WDR37: variants seen among roughly 807,000 people sequenced by gnomAD.
WDR37 encodes WD repeat domain 37.
WDR37 carries 19 observed loss-of-function variants against 62.9 expected under a neutral mutation model. The observed-to-expected ratio is 0.30, with a 90% CI of 0.21 to 0.44. The LOEUF is 0.44. Among genes scored for constraint, WDR37 ranks in the 20% least tolerant of loss-of-function variants. The pLI, the probability that WDR37 is intolerant of heterozygous loss-of-function variation, is 1.00. For missense variants in WDR37, 474 were observed against 657.6 expected (o/e 0.72, Z 3.05); for synonymous variants, 250 against 260.9 (o/e 0.96, Z 0.40).
At position 1,105,207 on chromosome 10, in the gene WDR37, G is replaced by A. The variant is rs1236451100; in HGVS notation, c.1043G>A (p.Arg348His). 5.6e-6 allele frequency: 9 copies of A among 1,614,048 alleles called. No individual in the cohort carries two copies. Among genetic ancestry groups the A allele is most frequent in the East Asian group, 2.2e-5 (1 of 44,882 alleles). ...VVTSSRDTTF[R>H]LWDFRDPSIH... ...ACCTCCTCCCGTGACACGACTTTCC[G>A]CCTCTGGGATTTCAGGGACCCCTCC... Residue 348 changes from arginine (R) to histidine (H), a missense_variant, in exon 11 of 14, where the codon CGC becomes CAC. Arg to His is a conservative substitution (Grantham distance 29). Transcript: ENST00000263150. This position sits in a 1 kb window ranked among gnomAD's most constrained non-coding sequence, Gnocchi z 5.3.
intron 1 of WDR37, among the ~76,000 whole-genome samples, chr10:1,071,555 T>C (rs897367124): frequency 1.3e-5 from 2 of 152,238 alleles, no homozygotes; most frequent in Non-Finnish European, 2.9e-5. Context: ...TTAGTTTGAA[T>C]TGAGATATGC....
At position 1,124,275 on chromosome 10, in the gene WDR37, C is replaced by T; in HGVS notation, c.1161C>T (p.Asp387=). Residue 387 remains aspartate (D), a synonymous_variant, in exon 12 of 14, where the codon GAC becomes GAT. Coordinates refer to ENST00000263150, the MANE Select transcript of WDR37 (RefSeq NM_014023.4). The part of the protein sequence containing the change: ...VGDNVVSGSD[D]RTVKVWDLKN... The stretch of plus-strand genomic sequence containing the variant: ...ACAACGTGGTTTCAGGCAGCGATGA[C>T]CGCACGGTGAAAGTCTGGGACTTGA... The T allele has an allele frequency of 1.9e-6, 3 of 1,614,204 alleles. No homozygotes were observed. The highest frequency in any genetic ancestry group is 1.6e-4 in the Middle Eastern group (1 of 6,062).
intron 12 of WDR37, 79 bp from the exon 13 acceptor site, chr10:1,124,831 C>G: frequency 6.5e-7 from 1 of 1,543,660 alleles, no homozygotes; most frequent in Non-Finnish European, 8.8e-7. Context: ...TATGGAACCT[C>G]CTGCTTCATT....
At chr10:1,089,675 CCG>C (rs1564503222) in intron 7 of WDR37, among the ~76,000 whole-genome samples, 18 of 150,732 alleles carry the variant, frequency 1.2e-4, no homozygotes, top group Middle Eastern at 6.9e-3. Flanking sequence ...TTCGGCCTTC[CCG>C]TGCTCACCCG....
chr10:1,125,957 A>G (rs1835731428), intron 13 of WDR37, among the ~76,000 whole-genome samples: 1 of 152,182 alleles, frequency 6.6e-6, no homozygotes, highest in African/African-American at 2.4e-5. Flanking sequence ...TGGCACCCGC[A>G]CAGATGCAGA....
Position 1,077,909 on chromosome 10 carries a change from T to C in WDR37, c.141T>C (p.Asp47=), listed in dbSNP as rs745835379. Residue 47 remains aspartate, a splice_region_variant and synonymous_variant, in exon 3 of 14, where the codon GAT becomes GAC. Coordinates refer to ENST00000263150, the MANE Select transcript of WDR37 (RefSeq NM_014023.4). ...TTAAACAAAGTCTTCTTCTGCAGGA[T>C]TCTAAACTGCCTTCCTCGGTTCGCA... ...GLPRDMLEGQ[D]SKLPSSVRST... The C allele has an allele frequency of 1.9e-6, 3 of 1,609,450 alleles. No homozygotes were observed. Among genetic ancestry groups the C allele is most frequent in the Non-Finnish European group, 2.5e-6 (3 of 1,178,306 alleles).
At chr10:1,063,854 T>C (rs1833452869) in intron 1 of WDR37, among the ~76,000 whole-genome samples, 1 of 152,118 alleles carries the variant, frequency 6.6e-6, no homozygotes, top group African/African-American at 2.4e-5. Context: ...CACCTCACCG[T>C]CCACATCCAC....
chr10:1,110,448 G>A (rs2131672303), intron 11 of WDR37, among the ~76,000 whole-genome samples: 1 of 152,364 alleles, frequency 6.6e-6, no homozygotes, highest in South Asian at 2.1e-4. Flanking sequence ...TTGTAGGTTC[G>A]AGCCAATACG....
chr10:1,102,806 C>A (rs981409887), intron 9 of WDR37, among the ~76,000 whole-genome samples: 1 of 152,178 alleles, frequency 6.6e-6, no homozygotes, highest in Non-Finnish European at 1.5e-5. Context: ...ATATGACATA[C>A]CTCTCCATAC....
chr10:1,072,171 G>C lies in WDR37; in HGVS notation c.16G>C (p.Ala6Pro). The C allele has an allele frequency of 6.2e-7, 1 of 1,614,094 alleles. No individual in the cohort carries two copies. Residue 6 changes from alanine (A) to proline (P), a missense_variant, in exon 2 of 14, where the codon GCA (alanine) becomes CCA (proline). By Grantham distance (27) the Ala-to-Pro change is conservative. Coordinates refer to ENST00000263150, the MANE Select transcript of WDR37 (RefSeq NM_014023.4). Reference protein sequence around the residue: MPTESASCSTARQTKQ... With the variant: MPTESPSCSTARQTKQ... ...CCTAGAAGTAATGCCCACAGAAAGC[G>C]CAAGTTGTTCGACTGCTCGCCAAAC... is the stretch of plus-strand genomic sequence containing the variant.
intron 1 of WDR37, among the ~76,000 whole-genome samples, chr10:1,057,463 AGT>A (rs1164130027): frequency 6.6e-6 from 1 of 152,112 alleles, no homozygotes; most frequent in African/African-American, 2.4e-5. Flanking sequence ...CTCTCCAAAG[AGT>A]GGGGATGGTC....
At chr10:1,072,397 C>T in intron 2 of WDR37, 104 bp downstream of exon 2, 1 of 1,461,260 alleles carries the variant, frequency 6.8e-7, no homozygotes, top group Non-Finnish European at 9.3e-7. Context: ...CGCTCACAAC[C>T]TCCACCTCCT....
intron 9 of WDR37, among the ~76,000 whole-genome samples, chr10:1,101,026 T>G (rs1834778124): frequency 6.6e-6 from 1 of 152,164 alleles, no homozygotes; most frequent in Non-Finnish European, 1.5e-5. Context: ...ACCAAACACC[T>G]TTCCACCGTC....
At chr10:1,102,732 C>G (rs10903368) in intron 9 of WDR37, among the ~76,000 whole-genome samples, 18,737 of 152,172 alleles carry the variant, frequency 0.12, 1,456 homozygotes, top group East Asian at 0.26. Context: ...GATTCCAGTT[C>G]AGCATGAGAT....
chr10:1,089,684 C>A (rs1457465603), intron 7 of WDR37, among the ~76,000 whole-genome samples: 2 of 150,782 alleles, frequency 1.3e-5, no homozygotes, highest in Admixed American at 1.3e-4. Flanking sequence ...CCCGTGCTCA[C>A]CCGCAGTTCG....
Position 1,132,096 on chromosome 10 carries a change from C to G in WDR37, c.*2752C>G, listed in dbSNP as rs981926901. On this transcript the variant is annotated 3_prime_UTR_variant, in exon 14 of 14. Transcript: ENST00000263150. ...GTTTTTATTGTATCGATATAATTGT[C>G]TCTAAGTGTTGACTGTCTTCATTGC... 1 of 152,586 alleles carries G rather than the reference C, an allele frequency of 6.6e-6. No individual in the cohort carries two copies. The highest frequency in any genetic ancestry group is 2.4e-5 in the African/African-American group (1 of 41,424). The allele number at this position is 152,586 out of a possible 1,614,324, so 9.5% of individuals were successfully genotyped here. A position where few individuals can be genotyped will look rare whatever the true frequency, so the allele number is the denominator to read the frequency against.
chr10:1,059,525 G>A (rs1000758520), intron 1 of WDR37, among the ~76,000 whole-genome samples: 4 of 152,060 alleles, frequency 2.6e-5, no homozygotes, highest in East Asian at 3.9e-4. Flanking sequence ...CTGGCCAGGC[G>A]CAGTGGCTCA....
intron 1 of WDR37, among the ~76,000 whole-genome samples, chr10:1,066,942 C>T (rs1230864953): frequency 6.6e-6 from 1 of 152,178 alleles, no homozygotes; most frequent in East Asian, 1.9e-4. Context: ...TCTTGTGAGA[C>T]TTACTATCAC....
chr10:1,102,547 CG>C (rs889576782), intron 9 of WDR37, among the ~76,000 whole-genome samples: 13 of 145,374 alleles, frequency 8.9e-5, no homozygotes, highest in Admixed American at 2.9e-4. Context: ...GAAGGCGAAG[CG>C]GGAGAAGGCG....
Sources: gnomAD v4.1 joint callset for allele counts (sites outside exome capture counted in the v4.1 genomes callset) on GRCh38, gnomAD v4.1.1 for gene constraint, Gnocchi (gnomAD v3.1) non-coding constraint, MANE v1.5 for transcripts, NCBI Gene and HGNC (gene_info 2026-07-23, HGNC 2026-07-21) for gene names.